Variants in ATP6V0A4 observed in about 807,000 individuals in gnomAD.
ATP6V0A4 encodes the protein V-type proton ATPase 116 kDa subunit a 4.
ATP6V0A4 carries 86 observed loss-of-function variants against 107.3 expected under a neutral mutation model. The observed-to-expected ratio is 0.80, with a 90% CI of 0.67 to 0.96. ATP6V0A4 has a LOEUF of 0.96. Ranked by LOEUF, ATP6V0A4 falls within the 40% of genes least tolerant of loss-of-function variation. The pLI, the probability that ATP6V0A4 is intolerant of heterozygous loss-of-function variation, is 0.00. For synonymous variants in ATP6V0A4, 353 were observed against 381.4 expected (o/e 0.93, Z 0.87); for missense variants, 908 against 1,045.6 (o/e 0.87, Z 1.81).
chr7:138,759,173 C>T (rs1188495817), intron 8 of ATP6V0A4, among the ~76,000 whole-genome samples: 1 of 151,130 alleles, frequency 6.6e-6, no homozygotes, highest in Non-Finnish European at 1.5e-5. Flanking sequence ...TGTCCTCCCA[C>T]CTCAGCCTCC....
intron 21 of ATP6V0A4, among the ~76,000 whole-genome samples, chr7:138,707,125 A>G (rs1265361285): frequency 3.6e-4 from 24 of 67,570 alleles, no homozygotes; most frequent in Non-Finnish European, 6.5e-4. Context: ...TATATATAAT[A>G]TTATATATAC....
At chr7:138,759,642 G>A in intron 8 of ATP6V0A4, 110 bp downstream of exon 8, 2 of 1,155,666 alleles carry the variant, frequency 1.7e-6, no homozygotes, top group South Asian at 1.3e-5. Context: ...AAAGGAAATA[G>A]ATATTAGTCT....
chr7:138,748,560 C>A (rs1403909377), intron 12 of ATP6V0A4, among the ~76,000 whole-genome samples: 2 of 152,128 alleles, frequency 1.3e-5, no homozygotes, highest in Admixed American at 6.5e-5. Flanking sequence ...CTGCCTGCCA[C>A]CATGCCCTAC....
At chr7:138,708,461 T>C (rs1425651895) in intron 21 of ATP6V0A4, among the ~76,000 whole-genome samples, 3 of 152,110 alleles carry the variant, frequency 2.0e-5, no homozygotes, top group South Asian at 4.1e-4. Flanking sequence ...GTACATGAAG[T>C]GCAAAGGCTT....
At chr7:138,742,370 T>A (rs1262937909) in intron 14 of ATP6V0A4, among the ~76,000 whole-genome samples, 1 of 152,150 alleles carries the variant, frequency 6.6e-6, no homozygotes, top group Non-Finnish European at 1.5e-5. Context: ...GACGTTGCAG[T>A]GAGCCAAAAT....
intron 8 of ATP6V0A4, among the ~76,000 whole-genome samples, chr7:138,756,952 A>G (rs943351572): frequency 6.6e-6 from 1 of 152,218 alleles, no homozygotes; most frequent in Admixed American, 6.5e-5. Context: ...GGGGATGAGT[A>G]GGTGTTTTAT....
chr7:138,768,979 GA>G (rs2117332129), intron 4 of ATP6V0A4, 105 bp from the exon 5 acceptor site: 2 of 1,578,868 alleles, frequency 1.3e-6, no homozygotes, highest in Non-Finnish European at 1.7e-6. Flanking sequence ...TCAGCTACCT[GA>G]ATTGTCCTAG....
Position 138,747,342 on chromosome 7 carries a change from T to C in ATP6V0A4, c.1320+83A>G, listed in dbSNP as rs73730498. 2.5e-3 allele frequency: 3,758 copies of C among 1,518,676 alleles called. 86 individuals carry two copies. The African/African-American group carries it at 0.044, about 18-fold the overall frequency. 94.1% of individuals were successfully genotyped at this position (1,518,676 alleles called of 1,614,324 possible). On this transcript the variant is annotated intron_variant, in intron 13 of 21. Coordinates refer to ENST00000310018, the MANE Select transcript of ATP6V0A4 (RefSeq NM_020632.3). ...TTCTCTCCTTTATTTTTCATAAAAA[T>C]GTGTTATTTCTATGGTGAAAACCAC...
At chr7:138,747,040 C>A (rs1426083106) in intron 13 of ATP6V0A4, among the ~76,000 whole-genome samples, 2 of 148,226 alleles carry the variant, frequency 1.3e-5, no homozygotes, top group Non-Finnish European at 3.0e-5. Flanking sequence ...TGGATAAGCA[C>A]AAACAAATTG....
intron 1 of ATP6V0A4, among the ~76,000 whole-genome samples, chr7:138,789,316 C>T (rs999166064): frequency 4.0e-5 from 6 of 151,828 alleles, no homozygotes; most frequent in Non-Finnish European, 7.4e-5. Context: ...GGTGCAATCT[C>T]GGCTCACTGC....
intron 16 of ATP6V0A4, 42 bp from the exon 17 acceptor site, chr7:138,733,135 A>C (rs1329358262): frequency 6.2e-7 from 1 of 1,612,826 alleles, no homozygotes; most frequent in Non-Finnish European, 8.5e-7. Context: ...TAGAACATCA[A>C]GGGAACGTTA....
chr7:138,740,728 C>T (rs904129401), intron 14 of ATP6V0A4, among the ~76,000 whole-genome samples: 2 of 151,786 alleles, frequency 1.3e-5, no homozygotes, highest in East Asian at 1.9e-4. Flanking sequence ...GTGTGAGCCA[C>T]GATGCCCGGC....
At chr7:138,727,961 T>A (rs1804801566) in intron 18 of ATP6V0A4, among the ~76,000 whole-genome samples, 2 of 152,072 alleles carry the variant, frequency 1.3e-5, no homozygotes, top group South Asian at 4.2e-4. Context: ...AGGGGAAAAA[T>A]CACAAACAAA....
chr7:138,745,968 T>TATTTATAATATA (rs1805919486), intron 13 of ATP6V0A4, among the ~76,000 whole-genome samples: 1 of 38,908 alleles, frequency 2.6e-5, no homozygotes, highest in African/African-American at 6.2e-5. Flanking sequence ...AAAAAATATA[T>TATTTATAATATA]ATATATATAT....
intron 1 of ATP6V0A4, 62 bp downstream of exon 1, chr7:138,797,972 C>G (rs1412365288): frequency 1.3e-6 from 2 of 1,543,262 alleles, no homozygotes; most frequent in African/African-American, 2.7e-5. Flanking sequence ...CCCCAAACAC[C>G]CAGCATAAGT....
Position 138,706,690 on chromosome 7 carries a change from G to A in ATP6V0A4, c.2457C>T (p.Val819=), listed in dbSNP as rs758110248. 5.6e-6 allele frequency: 9 copies of A among 1,613,712 alleles called. No individual in the cohort carries two copies. The highest frequency in any genetic ancestry group is 5.0e-5 in the Admixed American group (3 of 59,936). Residue 819 remains valine (V), a synonymous_variant, in exon 22 of 22, where the codon GTC becomes GTT. Transcript: ENST00000310018. ...HWVEFQNKFY[V]GDGYKFSPFS... is the part of the protein sequence containing the mutation. ...ATGGAGAAAACTTGTAACCATCCCC[G>A]ACATAGAACTTGTTCTGGAACTCAA...
chr7:138,790,707 C>T (rs1808371692), intron 1 of ATP6V0A4, among the ~76,000 whole-genome samples: 1 of 152,152 alleles, frequency 6.6e-6, no homozygotes, highest in Non-Finnish European at 1.5e-5. Flanking sequence ...CATTTTTGTG[C>T]TCATCTTTGG....
Position 138,716,088 on chromosome 7 carries a change from C to T in ATP6V0A4, c.2140-207G>A, listed in dbSNP as rs536774714. On this transcript the variant is annotated intron_variant, in intron 19 of 21. Transcript: ENST00000310018. Reference sequence around the variant, plus strand: ...GTGTCTTAACGTTCCCCAGCAATAGCTGAAAAAAAGCTCAAAGATGACAAA... The same window carrying T: ...GTGTCTTAACGTTCCCCAGCAATAGTTGAAAAAAAGCTCAAAGATGACAAA... 4.3e-5 allele frequency: 13 copies of T among 304,232 alleles called. No individual in the cohort carries two copies. The East Asian group carries it at 2.3e-3, about 53-fold the overall frequency. 18.8% of individuals were successfully genotyped at this position (304,232 alleles called of 1,614,324 possible). A position where few individuals can be genotyped will look rare whatever the true frequency, so the allele number is the denominator to read the frequency against.
intron 3 of ATP6V0A4, 141 bp downstream of exon 3, chr7:138,770,990 A>G: frequency 1.1e-6 from 1 of 941,576 alleles, no homozygotes; most frequent in South Asian, 1.3e-5. Flanking sequence ...CAGAAGCACT[A>G]AAACTACAGA....
Sources: gnomAD v4.1 joint callset for allele counts (sites outside exome capture counted in the v4.1 genomes callset) on GRCh38, gnomAD v4.1.1 for gene constraint, MANE v1.5 for transcripts, NCBI Gene and HGNC (gene_info 2026-07-23, HGNC 2026-07-21) for gene names.